Variants in ROBO2 observed in about 807,000 individuals in gnomAD.
The protein encoded by ROBO2 is roundabout guidance receptor 2.
Under a neutral mutation model 160.8 loss-of-function variants are expected in ROBO2, and 53 were observed. The observed-to-expected ratio is 0.33, with a 90% CI of 0.26 to 0.41. ROBO2 has a LOEUF of 0.41. ROBO2 is among the 10% of genes least tolerant of loss of function. The probability of loss-of-function intolerance (pLI) is 1.00; values close to 1 mark genes in which losing one functional copy is unlikely to be tolerated. For missense variants in ROBO2, 1,577 were observed against 1,722.4 expected, an observed-to-expected ratio of 0.92 and a Z score of 1.49; for synonymous variants, 664 against 611.7, an observed-to-expected ratio of 1.09 and a Z score of -1.26.
chr3:76,687,098 G>A (rs554240329), intron 2 of ROBO2, among the ~76,000 whole-genome samples: 11 of 151,982 alleles, frequency 7.2e-5, no homozygotes, highest in East Asian at 1.9e-4. Flanking sequence ...TAAATGTTGC[G>A]ATACCTATTT....
At chr3:77,468,758 C>T (rs1254689074) in intron 2 of ROBO2, among the ~76,000 whole-genome samples, 1 of 152,182 alleles carries the variant, frequency 6.6e-6, no homozygotes, top group African/African-American at 2.4e-5. Flanking sequence ...ATTCAACATG[C>T]TCCAATTCCT....
intron 2 of ROBO2, among the ~76,000 whole-genome samples, chr3:77,257,623 T>C (rs1178322666): frequency 2.0e-5 from 3 of 152,346 alleles, no homozygotes; most frequent in East Asian, 3.9e-4. Context: ...GCAGTCTGTA[T>C]GTAAACAGTG....
chr3:76,392,717 A>C (rs1240961080), intron 2 of ROBO2, among the ~76,000 whole-genome samples: 1 of 152,212 alleles, frequency 6.6e-6, no homozygotes, highest in Non-Finnish European at 1.5e-5. Flanking sequence ...TAGAAGATAG[A>C]TATGTTAGAA....
chr3:76,780,735 A>T (rs994308903), intron 2 of ROBO2, among the ~76,000 whole-genome samples: 6 of 150,822 alleles, frequency 4.0e-5, no homozygotes, highest in African/African-American at 1.5e-4. Context: ...CTGACCGTAT[A>T]TGCATGGCTT....
chr3:76,889,591 A>G (rs10865557), intron 2 of ROBO2, among the ~76,000 whole-genome samples: 44,026 of 152,118 alleles, frequency 0.29, 6,921 homozygotes, highest in Non-Finnish European at 0.34. Flanking sequence ...ATGGTCATGT[A>G]ACAAATGTTT....
At chr3:76,793,458 A>T (rs2063495328) in intron 2 of ROBO2, among the ~76,000 whole-genome samples, 1 of 151,926 alleles carries the variant, frequency 6.6e-6, no homozygotes, top group Non-Finnish European at 1.5e-5. Context: ...GAACTTCCTG[A>T]TAAAATTCTC....
intron 2 of ROBO2, among the ~76,000 whole-genome samples, chr3:76,147,197 G>C (rs1285602813): frequency 6.6e-6 from 1 of 151,614 alleles, no homozygotes; most frequent in Non-Finnish European, 1.5e-5. Flanking sequence ...ATAATAATTA[G>C]AGTACATTGA....
At chr3:77,047,330 G>A (rs947144040) in intron 1 of ROBO2, among the ~76,000 whole-genome samples, 1 of 152,088 alleles carries the variant, frequency 6.6e-6, no homozygotes, top group Non-Finnish European at 1.5e-5. Flanking sequence ...CTGTAAAATG[G>A]GCATGGTAAT....
chr3:75,938,957 C>T (rs1368527542), intron 2 of ROBO2, among the ~76,000 whole-genome samples: 21 of 152,104 alleles, frequency 1.4e-4, no homozygotes, highest in Admixed American at 1.3e-3. Context: ...CACCAAAGGT[C>T]TAAAACAAGA....
chr3:77,607,643 A>G (rs1230058588), intron 20 of ROBO2, among the ~76,000 whole-genome samples, 155 bp from the exon 22 acceptor site: 1 of 152,164 alleles, frequency 6.6e-6, no homozygotes, highest in Non-Finnish European at 1.5e-5. Context: ...ATTTATAAAA[A>G]TGTTTTTCTG....
intron 2 of ROBO2, among the ~76,000 whole-genome samples, chr3:76,650,317 G>A (rs1481495368): frequency 1.3e-5 from 2 of 152,070 alleles, no homozygotes; most frequent in East Asian, 3.9e-4. Flanking sequence ...ATCACTTTGG[G>A]AGGAGACAGC....
At chr3:77,312,317 T>C (rs1006275448) in intron 2 of ROBO2, among the ~76,000 whole-genome samples, 1 of 152,170 alleles carries the variant, frequency 6.6e-6, no homozygotes, top group African/African-American at 2.4e-5. Flanking sequence ...TCAAGTATGC[T>C]TTCATCTCCA....
intron 19 of ROBO2, among the ~76,000 whole-genome samples, 158 bp from the exon 21 acceptor site, chr3:77,602,052 G>C (rs375185213): frequency 6.6e-6 from 1 of 152,338 alleles, no homozygotes; most frequent in African/African-American, 2.4e-5. Context: ...ATAGCTTGGC[G>C]ATGGTTGTAT....
At chr3:76,233,685 C>T (rs1206023749) in intron 2 of ROBO2, among the ~76,000 whole-genome samples, 4 of 152,230 alleles carry the variant, frequency 2.6e-5, no homozygotes, top group Non-Finnish European at 5.9e-5. Flanking sequence ...TCAAGCACGT[C>T]ATTTCTTCAT....
intron 2 of ROBO2, among the ~76,000 whole-genome samples, chr3:76,368,566 A>G (rs1264399466): frequency 6.6e-6 from 1 of 151,972 alleles, no homozygotes; most frequent in Non-Finnish European, 1.5e-5. Context: ...TGACCATCTC[A>G]GCATGATCCT....
At chr3:76,048,338 A>T (rs1478299153) in intron 2 of ROBO2, among the ~76,000 whole-genome samples, 1 of 152,210 alleles carries the variant, frequency 6.6e-6, no homozygotes, top group East Asian at 1.9e-4. Context: ...AATTAAAATT[A>T]AACTTATATT....
intron 2 of ROBO2, among the ~76,000 whole-genome samples, chr3:76,964,424 C>A (rs1204669068): frequency 6.6e-6 from 1 of 152,098 alleles, no homozygotes; most frequent in Non-Finnish European, 1.5e-5. Context: ...CTCACTGCAA[C>A]CTCCGCCTCC....
At chr3:75,979,909 G>GT (rs1252860619) in intron 2 of ROBO2, among the ~76,000 whole-genome samples, 5 of 151,434 alleles carry the variant, frequency 3.3e-5, no homozygotes, top group African/African-American at 1.2e-4. Context: ...TTCTCACACT[G>GT]TTTTTTCAAG....
At chr3:77,244,013 T>G (rs2089396245) in intron 2 of ROBO2, among the ~76,000 whole-genome samples, 1 of 152,188 alleles carries the variant, frequency 6.6e-6, no homozygotes. Context: ...GGATTGCTTC[T>G]TGGTATCAAG....
Sources: allele counts gnomAD v4.1 joint callset (sites outside exome capture counted in the v4.1 genomes callset), GRCh38; gene constraint gnomAD v4.1.1; transcripts MANE v1.5; gene names NCBI Gene and HGNC (gene_info 2026-07-23, HGNC 2026-07-21).